Variants in PPA1 observed in about 807,000 individuals in gnomAD.
The protein encoded by PPA1 is inorganic pyrophosphatase 1, also known as inorganic pyrophosphatase.
A neutral mutation model predicts 41.8 loss-of-function variants in PPA1; 23 were observed. The observed-to-expected ratio is 0.55, with a 90% CI of 0.40 to 0.78. The LOEUF is 0.78. Ranked by LOEUF, PPA1 falls within the 30% of genes least tolerant of loss-of-function variation. The pLI, the probability that PPA1 is intolerant of heterozygous loss-of-function variation, is 0.00. For missense variants in PPA1, 320 were observed against 361.6 expected, an observed-to-expected ratio of 0.89 and a Z score of 0.93; for synonymous variants, 101 against 116.8, an observed-to-expected ratio of 0.86 and a Z score of 0.87.
chr10:70,218,787 G>A lies in PPA1; in HGVS notation c.154C>T (p.Arg52Cys), dbSNP rs964008474. The change falls in exon 3 of 11, where the codon CGC (arginine) becomes TGC (cysteine). Residue 52 changes from arginine to cysteine, a missense_variant. Arg to Cys is a radical substitution (Grantham distance 180). Transcript: ENST00000373232. ...DVFHMVVEVP[R>C]WSNAKMEIAT... The stretch of plus-strand genomic sequence containing the variant: ...ACCTCCATTTTTGCATTAGACCAGC[G>A]TGGTACTTCAACTACCATGTGAAAC... 4 of 1,612,186 alleles carry A rather than the reference G, an allele frequency of 2.5e-6. No individual in the cohort carries two copies. The African/African-American group carries it at 4.0e-5, about 16-fold the overall frequency.
rs777435107 is a variant in PPA1, at chr10:70,206,248, G to A, written c.795+16C>T. On this transcript the variant is annotated intron_variant, in intron 9 of 10. Transcript: ENST00000373232. ...GCAACCAGGCTTGTTTTTTTTTTAA[G>A]GAAACTTTTACATACAGCATCCACA... The A allele has an allele frequency of 3.1e-6, 5 of 1,589,616 alleles. No individual in the cohort carries two copies. Among genetic ancestry groups the A allele is most frequent in the Non-Finnish European group, 4.3e-6 (5 of 1,163,642 alleles).
Position 70,209,640 on chromosome 10 carries a change from G to A in PPA1, c.557C>T (p.Thr186Ile). 1 of 1,606,502 alleles carries A rather than the reference G, an allele frequency of 6.2e-7. No individual in the cohort carries two copies. The highest frequency in any genetic ancestry group is 8.5e-7 in the Non-Finnish European group (1 of 1,175,296). ...KRLKPGYLEA[T>I]VDWFRRYKVP... ...CTTATACCTTCTAAACCAGTCCACAGTAGCTTCTAAGTAGCCAGGTTTCAG... is the reference window on the plus strand; with the variant it reads ...CTTATACCTTCTAAACCAGTCCACAATAGCTTCTAAGTAGCCAGGTTTCAG... The change falls in exon 7 of 11, where the codon ACT becomes ATT. Residue 186 changes from threonine to isoleucine, a missense_variant. By Grantham distance (89) the Thr-to-Ile change is moderately conservative. Coordinates refer to ENST00000373232, the MANE Select transcript of PPA1 (RefSeq NM_021129.4).
At chr10:70,209,415 A>C in intron 7 of PPA1, 125 bp from the exon 8 acceptor site, 1 of 1,306,810 alleles carries the variant, frequency 7.7e-7, no homozygotes, top group Non-Finnish European at 1.0e-6. Context: ...ATGGAAGAGA[A>C]TATTAAAGTG....
At chr10:70,206,226 A>T (rs543916986) in intron 9 of PPA1, 38 bp downstream of exon 9, 84 of 1,509,640 alleles carry the variant, frequency 5.6e-5, no homozygotes, top group Non-Finnish European at 7.5e-5. Context: ...GTTTTTAGCA[A>T]CCAGGCTTGT....
At chr10:70,227,181 C>T (rs1424962470) in intron 2 of PPA1, among the ~76,000 whole-genome samples, 3 of 152,286 alleles carry the variant, frequency 2.0e-5, no homozygotes, top group African/African-American at 7.2e-5. Context: ...TAAAATTGAC[C>T]CAGAGCAAAG....
rs552811788 is a variant in PPA1 at position 70,228,863 on chromosome 10, T to TAGTC, written c.123+1474_123+1477dup. 2.0e-5 allele frequency among the ~76,000 whole-genome samples: 3 copies of TAGTC among 152,312 alleles called. No homozygotes were observed. In the East Asian group the frequency reaches 5.8e-4, roughly 29 times the overall value. The stretch of plus-strand genomic sequence containing the variant: ...AATGAATGTGTCTATTTCTATCTAA[T>TAGTC]AGTCAGGCCCAGAAAAACAGTAAGA... On this transcript the variant is annotated intron_variant, in intron 2 of 10. Transcript: ENST00000373232.
chr10:70,223,249 C>G (rs1229216021), intron 2 of PPA1, among the ~76,000 whole-genome samples: 5 of 144,384 alleles, frequency 3.5e-5, no homozygotes, highest in African/African-American at 1.3e-4. Flanking sequence ...GGGTCTCACT[C>G]TGTCATCCAG....
At chr10:70,204,797 A>G in intron 10 of PPA1, 76 bp downstream of exon 10, 3 of 1,181,530 alleles carry the variant, frequency 2.5e-6, no homozygotes, top group African/African-American at 1.6e-5. Context: ...TCATTTGTCA[A>G]CTAAAAATAA....
Position 70,217,916 on chromosome 10 carries a change from G to A in PPA1, c.193C>T (p.Pro65Ser). The A allele has an allele frequency of 6.4e-7, 1 of 1,572,172 alleles. No homozygotes were observed. Among genetic ancestry groups the A allele is most frequent in the Non-Finnish European group, 8.6e-7 (1 of 1,157,470 alleles). The change falls in exon 4 of 11, where the codon CCT becomes TCT. Residue 65 changes from proline to serine, a missense_variant. Pro to Ser is a moderately conservative substitution (Grantham distance 74). Coordinates refer to ENST00000373232, the MANE Select transcript of PPA1 (RefSeq NM_021129.4). ...ACATCTTGTTTAATAGGGTTTAAAG[G>A]GTCCTTTGTAGCAATCTGAAATAAG... ...NAKMEIATKD[P>S]LNPIKQDVKK...
At chr10:70,225,609 A>T (rs750977225) in intron 2 of PPA1, among the ~76,000 whole-genome samples, 1 of 152,088 alleles carries the variant, frequency 6.6e-6, no homozygotes, top group Non-Finnish European at 1.5e-5. Context: ...TATCTAGAGC[A>T]TAAACATAAA....
Position 70,221,639 on chromosome 10 carries a change from A to C in PPA1, c.124-2822T>G, listed in dbSNP as rs1380803735. On this transcript the variant is annotated intron_variant, in intron 2 of 10. Transcript: ENST00000373232. ...CACTTCTCAGGTGTAAAAACGAGAG[A>C]TCTGTAGGTCTGTGAAAAGAACAAG... Among the ~76,000 whole-genome samples the C allele has an allele frequency of 2.6e-5, 4 of 152,152 alleles. No homozygotes were observed. The East Asian group carries it at 7.7e-4, about 29-fold the overall frequency.
At chr10:70,230,487 T>G (rs993283750) in intron 1 of PPA1, 88 bp from the exon 2 acceptor site, 3 of 1,290,820 alleles carry the variant, frequency 2.3e-6, no homozygotes, top group Admixed American at 4.5e-5. Context: ...TGAGATAAGG[T>G]CCCTTACTCT....
chr10:70,228,217 G>A (rs891509411), intron 2 of PPA1, among the ~76,000 whole-genome samples: 1 of 152,142 alleles, frequency 6.6e-6, no homozygotes, highest in Non-Finnish European at 1.5e-5. Flanking sequence ...CCCTTATAAG[G>A]CTTCAGTGTC....
chr10:70,222,108 G>A (rs965245399), intron 2 of PPA1, among the ~76,000 whole-genome samples: 6 of 151,962 alleles, frequency 3.9e-5, no homozygotes, highest in African/African-American at 1.4e-4. Context: ...GGCCGAGGTG[G>A]GCGGATTATG....
At chr10:70,220,476 A>C (rs2136762244) in intron 2 of PPA1, among the ~76,000 whole-genome samples, 1 of 114,328 alleles carries the variant, frequency 8.7e-6, no homozygotes, top group South Asian at 2.3e-4. Flanking sequence ...GTGCATATAT[A>C]TATAATTTTT....
At chr10:70,232,432 A>G (rs1233067554) in intron 1 of PPA1, among the ~76,000 whole-genome samples, 2 of 152,158 alleles carry the variant, frequency 1.3e-5, no homozygotes, top group Non-Finnish European at 2.9e-5. Flanking sequence ...TCCTCCACCT[A>G]CAAGGCCAAA....
chr10:70,203,282 A>G (rs1020830296), intron 10 of PPA1, 96 bp from the exon 11 acceptor site: 4 of 1,081,866 alleles, frequency 3.7e-6, no homozygotes, highest in Non-Finnish European at 5.5e-6. Flanking sequence ...GCTTTAATGA[A>G]TCCTACTATG....
At chr10:70,224,767 G>A (rs988454368) in intron 2 of PPA1, among the ~76,000 whole-genome samples, 14 of 152,026 alleles carry the variant, frequency 9.2e-5, no homozygotes, top group Non-Finnish European at 2.1e-4. Context: ...TTTCGCTCTT[G>A]TTACCCAGGC....
At chr10:70,226,243 G>A (rs748238635) in intron 2 of PPA1, among the ~76,000 whole-genome samples, 1 of 152,194 alleles carries the variant, frequency 6.6e-6, no homozygotes, top group Non-Finnish European at 1.5e-5. Context: ...ATATGTACCT[G>A]TGTAGAGCAA....
Sources: allele counts gnomAD v4.1 joint callset (sites outside exome capture counted in the v4.1 genomes callset), GRCh38; gene constraint gnomAD v4.1.1; transcripts MANE v1.5; gene names NCBI Gene and HGNC (gene_info 2026-07-23, HGNC 2026-07-21).